NAV1: variants seen among roughly 807,000 people sequenced by gnomAD.
NAV1 encodes the protein pore membrane and/or filament interacting like protein 3.
NAV1 carries 18 observed loss-of-function variants against 175.2 expected under a neutral mutation model. The ratio of observed to expected loss-of-function variants is 0.10; its 90% CI spans 0.07 to 0.15. The LOEUF (loss-of-function observed/expected upper bound fraction) is 0.15. Among genes scored for constraint, NAV1 ranks in the 10% least tolerant of loss-of-function variants. The pLI is 1.00. For synonymous variants in NAV1, 897 were observed against 978.7 expected, an observed-to-expected ratio of 0.92 and a Z score of 1.56; for missense variants, 1,731 against 2,436.6, an observed-to-expected ratio of 0.71 and a Z score of 6.10.
intron 1 of NAV1, among the ~76,000 whole-genome samples, chr1:201,541,205 T>C (rs1207923192): frequency 6.6e-6 from 1 of 152,204 alleles, no homozygotes; most frequent in Non-Finnish European, 1.5e-5. Context: ...AAACACCCTA[T>C]CTGACCACCC....
At chr1:201,759,457 G>C (rs919317188) in intron 3 of NAV1, among the ~76,000 whole-genome samples, 1 of 152,232 alleles carries the variant, frequency 6.6e-6, no homozygotes, top group African/African-American at 2.4e-5. Flanking sequence ...GAGGTCGTGA[G>C]TGTTCATTAA....
In NAV1 at chr1:201,787,810, T is replaced by A; in HGVS notation, c.2996-658T>A. 2.3e-6 allele frequency: 1 copy of A among 433,522 alleles called. No homozygotes were observed. Among genetic ancestry groups the A allele is most frequent in the Non-Finnish European group, 4.6e-6 (1 of 215,580 alleles). 26.9% of individuals were successfully genotyped at this position (433,522 alleles called of 1,614,324 possible). ...TTAACGGGATTCAGCTGAACCCAGCTTCAAAGCACATTCCACAAGCCTTAC... is the reference window on the plus strand; with the variant it reads ...TTAACGGGATTCAGCTGAACCCAGCATCAAAGCACATTCCACAAGCCTTAC... On this transcript the variant is annotated intron_variant, in intron 9 of 29. Coordinates refer to ENST00000367296, the Ensembl canonical transcript of NAV1. This position sits in a 1 kb window ranked among gnomAD's most constrained non-coding sequence, Gnocchi z 4.3.
At chr1:201,715,046 C>T (rs1336553519) in intron 2 of NAV1, among the ~76,000 whole-genome samples, 6 of 152,134 alleles carry the variant, frequency 3.9e-5, no homozygotes, top group East Asian at 1.9e-4. Flanking sequence ...CCAAGAGCCC[C>T]GGAGCTGGTT....
intron 3 of NAV1, among the ~76,000 whole-genome samples, chr1:201,772,678 G>A (rs988622338): frequency 2.0e-5 from 3 of 152,098 alleles, no homozygotes; most frequent in South Asian, 2.1e-4. Flanking sequence ...TGGGTTATAC[G>A]CTCATTCTGG....
At chr1:201,769,725 C>CT (rs1472724188) in intron 3 of NAV1, among the ~76,000 whole-genome samples, 2 of 151,984 alleles carry the variant, frequency 1.3e-5, no homozygotes, top group Non-Finnish European at 2.9e-5. Flanking sequence ...ATTCCATAAA[C>CT]TCTACTGGAA....
In NAV1 at chr1:201,788,543, T is replaced by C. The variant is rs746601714; in HGVS notation, c.3071T>C (p.Leu1024Pro). 1 of 1,614,188 alleles carries C rather than the reference T, an allele frequency of 6.2e-7. No homozygotes were observed. Among genetic ancestry groups the C allele is most frequent in the South Asian group, 1.1e-5 (1 of 91,086 alleles). ...CCCACCCACGAGGCGGCCTTCGAGC[T>C]GTACAGCGGCTCCCAAATGGGGAGC... Residue 1024 changes from leucine (L) to proline (P), a missense_variant, in exon 10 of 30, where the codon CTG (leucine) becomes CCG (proline). By Grantham distance (98) the Leu-to-Pro change is moderately conservative. Around this residue, in one of 13 missense-constraint regions of NAV1, gnomAD observed 634 missense variants for 766.8 expected, o/e 0.83. Coordinates refer to ENST00000367296, the Ensembl canonical transcript of NAV1. This position sits in a 1 kb window ranked among gnomAD's most constrained non-coding sequence, Gnocchi z 5.7.
At chr1:201,603,290 G>T (rs1571841446) in intron 2 of NAV1, among the ~76,000 whole-genome samples, 2 of 152,148 alleles carry the variant, frequency 1.3e-5, no homozygotes, top group Non-Finnish European at 2.9e-5. Context: ...AGTAACTCAA[G>T]TCAATCCTGC....
At chr1:201,581,179 G>A (rs1226912982) in intron 1 of NAV1, among the ~76,000 whole-genome samples, 1 of 152,188 alleles carries the variant, frequency 6.6e-6, no homozygotes, top group Non-Finnish European at 1.5e-5. Context: ...GACAGGGCAG[G>A]GAGTGGAGAG....
chr1:201,745,452 G>A (rs531995209), intron 3 of NAV1, among the ~76,000 whole-genome samples: 1 of 152,320 alleles, frequency 6.6e-6, no homozygotes, highest in East Asian at 1.9e-4. Flanking sequence ...ATTCAAAAGA[G>A]GGGAGAAGAG....
chr1:201,684,850 C>T (rs1670616898), intron 1 of NAV1, among the ~76,000 whole-genome samples: 1 of 151,202 alleles, frequency 6.6e-6, no homozygotes, highest in Non-Finnish European at 1.5e-5. Flanking sequence ...GTAATCCCAG[C>T]TACTCGAGAG....
rs928302193 is a variant in NAV1, at chr1:201,562,754, G to T, written c.-144+23412G>T. 2.6e-5 allele frequency among the ~76,000 whole-genome samples: 4 copies of T among 152,256 alleles called. No individual in the cohort carries two copies. In the East Asian group the frequency reaches 5.8e-4, roughly 22 times the overall value. On this transcript the variant is annotated intron_variant, in intron 1 of 33. Coordinates refer to the NAV1 transcript ENST00000685211. ...TTTAGCTTGCAGGGTACTTCTAGGC[G>T]GTTGGTGCTCTCTCCTGGGCCTGGT...
intron 3 of NAV1, among the ~76,000 whole-genome samples, chr1:201,722,915 G>A (rs538412615): frequency 1.1e-4 from 17 of 152,312 alleles, no homozygotes; most frequent in African/African-American, 3.4e-4. Context: ...AGACCAGTCC[G>A]GCCAACTGGT....
chr1:201,660,740 T>A (rs890337685), intron 1 of NAV1, among the ~76,000 whole-genome samples: 2 of 152,226 alleles, frequency 1.3e-5, no homozygotes, highest in African/African-American at 2.4e-5. Context: ...ACCCATTTTA[T>A]CCTCACACTG....
intron 2 of NAV1, among the ~76,000 whole-genome samples, chr1:201,632,496 C>T (rs1439850188): frequency 6.6e-6 from 1 of 152,234 alleles, no homozygotes; most frequent in Non-Finnish European, 1.5e-5. Context: ...GTATAGACCA[C>T]CATCAGATCT....
intron 1 of NAV1, among the ~76,000 whole-genome samples, chr1:201,677,798 T>G (rs1670313020): frequency 6.6e-6 from 1 of 152,142 alleles, no homozygotes; most frequent in Non-Finnish European, 1.5e-5. Context: ...TGGCTAATTT[T>G]TTTTATTTTT....
At chr1:201,778,890 T>C (rs1409071624) in intron 3 of NAV1, among the ~76,000 whole-genome samples, 2 of 152,340 alleles carry the variant, frequency 1.3e-5, no homozygotes, top group East Asian at 3.9e-4. Context: ...TAGCAGCTAA[T>C]TCACACAAAA....
chr1:201,794,116 T>C, intron 14 of NAV1: 1 of 684,578 alleles, frequency 1.5e-6, no homozygotes, highest in South Asian at 1.5e-5. Context: ...TGACACATCA[T>C]AAGGGCTCAG....
intron 3 of NAV1, among the ~76,000 whole-genome samples, chr1:201,732,868 C>T (rs1027796486): frequency 2.0e-5 from 3 of 151,420 alleles, no homozygotes; most frequent in Non-Finnish European, 4.4e-5. Context: ...GTCAGGAGTT[C>T]AAAACCAGCC....
At chr1:201,611,985 G>A (rs375211301) in intron 2 of NAV1, among the ~76,000 whole-genome samples, 3 of 152,186 alleles carry the variant, frequency 2.0e-5, no homozygotes, top group African/African-American at 4.8e-5. Flanking sequence ...GTGTGAGCAC[G>A]TACCTGTGTG....
Sources: gnomAD v4.1 joint callset for allele counts (sites outside exome capture counted in the v4.1 genomes callset) on GRCh38, gnomAD v4.1.1 for gene constraint, gnomAD v4.1.1 regional missense constraint, Gnocchi (gnomAD v3.1) non-coding constraint, MANE v1.5 for transcripts, NCBI Gene and HGNC (gene_info 2026-07-23, HGNC 2026-07-21) for gene names.